Variants in COPS7B observed in about 807,000 individuals in gnomAD.
The protein encoded by COPS7B is COP9 signalosome subunit 7B.
COPS7B carries 9 observed loss-of-function variants against 33.4 expected under a neutral mutation model. The ratio of observed to expected loss-of-function variants is 0.27; its 90% CI spans 0.16 to 0.47. The LOEUF (loss-of-function observed/expected upper bound fraction) is 0.47, where lower values mean the gene tolerates loss of function less well. COPS7B is among the 20% of genes least tolerant of loss of function. The pLI, the probability that COPS7B is intolerant of heterozygous loss-of-function variation, is 0.99. For synonymous variants in COPS7B, 119 were observed against 126.3 expected, an observed-to-expected ratio of 0.94 and a Z score of 0.39; for missense variants, 242 against 318.2, an observed-to-expected ratio of 0.76 and a Z score of 1.82.
chr2:231,795,995 A>G, intron 4 of COPS7B, 111 bp from the exon 5 acceptor site: 2 of 779,430 alleles, frequency 2.6e-6, no homozygotes. Flanking sequence ...AATTACCACT[A>G]GCCTGCGTTT....
intron 6 of COPS7B, among the ~76,000 whole-genome samples, chr2:231,800,455 G>T (rs905212066): frequency 6.6e-6 from 1 of 152,170 alleles, no homozygotes; most frequent in African/African-American, 2.4e-5. Context: ...ACAAAATGAG[G>T]TTGGGAGGCT....
At chr2:231,786,325 G>A (rs1010232088), upstream of COPS7B, 39 of 501,092 alleles carry the variant, frequency 7.8e-5, no homozygotes, top group Non-Finnish European at 9.6e-5. Context: ...CTTCCCCACC[G>A]GAGGTCGAAG....
At chr2:231,797,538 T>C (rs1374841003) in intron 5 of COPS7B, among the ~76,000 whole-genome samples, 1 of 152,236 alleles carries the variant, frequency 6.6e-6, no homozygotes, top group African/African-American at 2.4e-5. Context: ...TTTATGTCCA[T>C]AGTCTGGTTT....
chr2:231,799,392 G>C (rs1006630828), intron 6 of COPS7B, among the ~76,000 whole-genome samples: 1 of 152,164 alleles, frequency 6.6e-6, no homozygotes, highest in South Asian at 2.1e-4. Flanking sequence ...CTTAAGTTGC[G>C]TGGTGGGCAC....
At chr2:231,798,254 CTTTTTTT>C (rs532747492) in intron 5 of COPS7B, among the ~76,000 whole-genome samples, 5 of 116,750 alleles carry the variant, frequency 4.3e-5, no homozygotes, top group Admixed American at 9.3e-5. Flanking sequence ...ATTCTACCTT[CTTTTTTT>C]TTTTTTTTTT....
At chr2:231,805,431 A>ATAT (rs1491440263) in intron 6 of COPS7B, among the ~76,000 whole-genome samples, 13 of 118,826 alleles carry the variant, frequency 1.1e-4, no homozygotes, top group African/African-American at 2.7e-4. Context: ...ATATATATAT[A>ATAT]TTTTTTTTTA....
upstream of COPS7B, chr2:231,781,976 C>A: frequency 3.2e-6 from 4 of 1,247,612 alleles, no homozygotes; most frequent in Non-Finnish European, 3.4e-6. Context: ...TGGTCTGAGG[C>A]GCCTTTTACA....
At chr2:231,806,914 A>G (rs539504478) in intron 6 of COPS7B, among the ~76,000 whole-genome samples, 3 of 152,268 alleles carry the variant, frequency 2.0e-5, no homozygotes, top group Non-Finnish European at 4.4e-5. Context: ...CACAGAGGAT[A>G]TCTGTTCTGA....
At chr2:231,795,991 C>T (rs879151697) in intron 4 of COPS7B, 115 bp from the exon 5 acceptor site, 3 of 752,338 alleles carry the variant, frequency 4.0e-6, no homozygotes, top group Middle Eastern at 3.2e-4. Flanking sequence ...TAATAATTAC[C>T]ACTAGCCTGC....
intron 1 of COPS7B, among the ~76,000 whole-genome samples, chr2:231,787,358 T>C (rs1031776205): frequency 2.0e-5 from 3 of 152,198 alleles, no homozygotes; most frequent in African/African-American, 7.2e-5. Flanking sequence ...CTTCAAATTG[T>C]TCTTTGCTGC....
intron 1 of COPS7B, among the ~76,000 whole-genome samples, chr2:231,787,916 T>A (rs1021004102): frequency 2.6e-5 from 4 of 152,044 alleles, no homozygotes; most frequent in Admixed American, 6.6e-5. Flanking sequence ...ATAAACGAGG[T>A]GGATATAAAA....
At chr2:231,804,678 G>T (rs1002110298) in intron 6 of COPS7B, among the ~76,000 whole-genome samples, 14 of 151,978 alleles carry the variant, frequency 9.2e-5, no homozygotes, top group Non-Finnish European at 1.8e-4. Context: ...AAGCTATTTT[G>T]CCAAATGGGA....
chr2:231,808,435 C>T lies in COPS7B; in HGVS notation c.*790C>T, dbSNP rs1389858376. On this transcript the variant is annotated 3_prime_UTR_variant, in exon 7 of 7. Coordinates refer to ENST00000350033, the MANE Select transcript of COPS7B (RefSeq NM_022730.4). ...TCGGTGTGTAGGCCCCAGCTGCCCA[C>T]TGGAACTGCCGGCTAATGCTTGCTC... is the stretch of plus-strand genomic sequence containing the variant. 2.1e-6 allele frequency: 1 copy of T among 471,506 alleles called. No individual in the cohort carries two copies. The highest frequency in any genetic ancestry group is 2.0e-5 in the African/African-American group (1 of 50,032). 29.2% of individuals were successfully genotyped at this position (471,506 alleles called of 1,614,324 possible).
chr2:231,801,860 C>T (rs1394670812), intron 6 of COPS7B, among the ~76,000 whole-genome samples: 5 of 152,024 alleles, frequency 3.3e-5, no homozygotes, highest in African/African-American at 1.2e-4. Flanking sequence ...CTGCAACCTC[C>T]GCCTCCTGGG....
Position 231,786,557 on chromosome 2 carries a change from G to A in COPS7B, c.-17+19G>A. On this transcript the variant is annotated intron_variant, in intron 1 of 6. Coordinates refer to ENST00000350033, the MANE Select transcript of COPS7B (RefSeq NM_022730.4). Reference sequence around the variant, plus strand: ...TGGACAGGTAGGAGCTAGCGAGAGGGTGGGCCGAGCGGGGCCGGCGCTCCA... The same window carrying A: ...TGGACAGGTAGGAGCTAGCGAGAGGATGGGCCGAGCGGGGCCGGCGCTCCA... The A allele has an allele frequency of 1.0e-6, 1 of 976,306 alleles. No individual in the cohort carries two copies. Among genetic ancestry groups the A allele is most frequent in the Non-Finnish European group, 1.2e-6 (1 of 821,506 alleles). The allele number at this position is 976,306 out of a possible 1,614,324, so 60.5% of individuals were successfully genotyped here.
intron 1 of COPS7B, 146 bp downstream of exon 1, chr2:231,786,684 C>A: frequency 4.6e-6 from 1 of 216,672 alleles, no homozygotes; most frequent in Non-Finnish European, 7.9e-6. Flanking sequence ...GCTCCTCACT[C>A]CACGCCTGCG....
chr2:231,806,396 T>A (rs2049894724), intron 6 of COPS7B, among the ~76,000 whole-genome samples: 1 of 151,846 alleles, frequency 6.6e-6, no homozygotes, highest in Non-Finnish European at 1.5e-5. Flanking sequence ...CAAATAAGTT[T>A]TTAAAAATTA....
intron 1 of COPS7B, among the ~76,000 whole-genome samples, chr2:231,787,560 G>A (rs1217081609): frequency 1.3e-5 from 2 of 150,242 alleles, no homozygotes; most frequent in African/African-American, 2.5e-5. Context: ...TCTTTTTATC[G>A]TTTTCTTGAG....
intron 6 of COPS7B, among the ~76,000 whole-genome samples, chr2:231,800,292 G>A (rs2049706931): frequency 1.3e-5 from 2 of 152,206 alleles, no homozygotes; most frequent in Non-Finnish European, 2.9e-5. Context: ...AGACAATTAG[G>A]AAAATAAGCT....
Sources: gnomAD v4.1 joint callset for allele counts (sites outside exome capture counted in the v4.1 genomes callset) on GRCh38, gnomAD v4.1.1 for gene constraint, MANE v1.5 for transcripts, NCBI Gene and HGNC (gene_info 2026-07-23, HGNC 2026-07-21) for gene names.